Variants in TTC28 observed in about 807,000 individuals in gnomAD.
TTC28 encodes tetratricopeptide repeat protein 28.
In TTC28, 61 loss-of-function variants were observed where a neutral mutation model predicts 198.0. That is an observed-to-expected ratio of 0.31 (90% CI 0.25 to 0.38). TTC28 has a LOEUF of 0.38. Ranked by LOEUF, TTC28 falls within the 10% of genes least tolerant of loss-of-function variation. The probability of loss-of-function intolerance (pLI) is 1.00; values close to 1 mark genes in which losing one functional copy is unlikely to be tolerated. For missense variants in TTC28, 2,678 were observed against 3,164.0 expected, an observed-to-expected ratio of 0.85 and a Z score of 3.69; for synonymous variants, 1,171 against 1,297.8, an observed-to-expected ratio of 0.90 and a Z score of 2.10.
intron 12 of TTC28, among the ~76,000 whole-genome samples, chr22:28,085,662 T>C: frequency 6.6e-6 from 1 of 152,000 alleles, no homozygotes; most frequent in East Asian, 1.9e-4. Context: ...CACATAACAA[T>C]ATTAACTTTA....
chr22:27,990,210 G>T, intron 20 of TTC28: 3 of 653,344 alleles, frequency 4.6e-6, no homozygotes, highest in Non-Finnish European at 7.0e-6. Flanking sequence ...GGGCATTGGG[G>T]CAAGAGGCTG....
chr22:28,454,897 C>T (rs2047835561), intron 2 of TTC28, among the ~76,000 whole-genome samples: 1 of 152,192 alleles, frequency 6.6e-6, no homozygotes, highest in Non-Finnish European at 1.5e-5. Flanking sequence ...TCAAAACATA[C>T]ATATGCTAAT....
intron 12 of TTC28, among the ~76,000 whole-genome samples, chr22:28,077,510 T>C (rs1335409355): frequency 6.6e-6 from 1 of 152,190 alleles, no homozygotes; most frequent in African/African-American, 2.4e-5. Flanking sequence ...TTATGCCAAT[T>C]TACTCTTCGA....
At position 28,384,877 on chromosome 22, in the gene TTC28, A is replaced by G. The variant is rs539348010; in HGVS notation, c.382-78234T>C. 1.1e-4 allele frequency among the ~76,000 whole-genome samples: 16 copies of G among 152,218 alleles called. No individual in the cohort carries two copies. In the East Asian group the frequency reaches 3.1e-3, roughly 30 times the overall value. On this transcript the variant is annotated intron_variant, in intron 2 of 22. Coordinates refer to ENST00000397906, the MANE Select transcript of TTC28 (RefSeq NM_001145418.2). ...GACAGGTGGCTGGGCGTGGTGGCTC[A>G]TGCCTGTAATCCCAGCACTTTGGGA...
At chr22:28,088,831 A>T (rs1350326499) in intron 12 of TTC28, among the ~76,000 whole-genome samples, 1 of 152,136 alleles carries the variant, frequency 6.6e-6, no homozygotes, top group Non-Finnish European at 1.5e-5. Context: ...AAAACAAACA[A>T]CCTCATCAAA....
At chr22:28,224,734 C>A (rs534449763) in intron 5 of TTC28, among the ~76,000 whole-genome samples, 2 of 152,232 alleles carry the variant, frequency 1.3e-5, no homozygotes, top group Non-Finnish European at 2.9e-5. Flanking sequence ...GTGATCTCCC[C>A]TTCATTCTAC....
intron 5 of TTC28, among the ~76,000 whole-genome samples, chr22:28,249,336 A>C (rs1043774184): frequency 6.6e-6 from 1 of 152,316 alleles, no homozygotes; most frequent in Admixed American, 6.5e-5. Flanking sequence ...CAGGAAAAAA[A>C]ATGCTCAATA....
At chr22:28,143,801 C>T (rs1256252630) in intron 6 of TTC28, among the ~76,000 whole-genome samples, 4 of 152,116 alleles carry the variant, frequency 2.6e-5, no homozygotes, top group Admixed American at 6.5e-5. Flanking sequence ...AAAGTTAAAA[C>T]CATATAAGGG....
At chr22:28,636,147 T>TTTC (rs1172471706) in intron 1 of TTC28, among the ~76,000 whole-genome samples, 3 of 136,018 alleles carry the variant, frequency 2.2e-5, no homozygotes, top group Non-Finnish European at 4.7e-5. Flanking sequence ...TTTTTTTTTT[T>TTTC]TTTTTTTGAG....
intron 1 of TTC28, among the ~76,000 whole-genome samples, chr22:28,634,480 C>G (rs2051232082): frequency 6.9e-6 from 1 of 144,038 alleles, no homozygotes; most frequent in Non-Finnish European, 1.5e-5. Context: ...GCACTCCAGC[C>G]TGGCGACTAA....
chr22:28,608,485 C>A (rs1431009163), intron 2 of TTC28, among the ~76,000 whole-genome samples: 1 of 152,172 alleles, frequency 6.6e-6, no homozygotes, highest in Non-Finnish European at 1.5e-5. Flanking sequence ...TGCAGCAATA[C>A]ATATCAGGTA....
chr22:28,081,177 A>G (rs975510710), intron 12 of TTC28, among the ~76,000 whole-genome samples: 10 of 150,486 alleles, frequency 6.6e-5, no homozygotes, highest in African/African-American at 1.5e-4. Context: ...ACACACACAC[A>G]TATTTATGTA....
At chr22:28,380,450 C>A (rs1006969954) in intron 2 of TTC28, among the ~76,000 whole-genome samples, 2 of 152,052 alleles carry the variant, frequency 1.3e-5, no homozygotes, top group African/African-American at 4.8e-5. Context: ...AATAATCCAA[C>A]AAATGTAGGA....
At chr22:28,225,411 G>T (rs1928253659) in intron 5 of TTC28, among the ~76,000 whole-genome samples, 1 of 150,168 alleles carries the variant, frequency 6.7e-6, no homozygotes, top group Admixed American at 6.7e-5. Context: ...GAAAGAAGAA[G>T]AAAAGAAAAA....
chr22:28,374,178 CT>C (rs1324399778), intron 2 of TTC28, among the ~76,000 whole-genome samples: 1 of 152,172 alleles, frequency 6.6e-6, no homozygotes. Context: ...AAGACATTTG[CT>C]TTCAAAATTA....
rs138520312 is a variant in TTC28 at position 28,174,802 on chromosome 22, A to G, written c.934-11203T>C. Among the ~76,000 whole-genome samples, 17 of 152,306 alleles carry G rather than the reference A, an allele frequency of 1.1e-4. No homozygotes were observed. In the East Asian group the frequency reaches 3.1e-3, roughly 28 times the overall value. Reference sequence around the variant, plus strand: ...ATCCAACATATAATTCAACACAGGTACAATTAGGTGTATATCCAACACATA... The same window carrying G: ...ATCCAACATATAATTCAACACAGGTGCAATTAGGTGTATATCCAACACATA... On this transcript the variant is annotated intron_variant, in intron 5 of 22. Transcript: ENST00000397906.
At chr22:28,176,917 C>T (rs1453593560) in intron 5 of TTC28, among the ~76,000 whole-genome samples, 2 of 152,016 alleles carry the variant, frequency 1.3e-5, no homozygotes, top group African/African-American at 2.4e-5. Context: ...TGGATCAGAC[C>T]TAAATGTAAA....
chr22:28,677,481 T>C (rs1211497309), intron 1 of TTC28, among the ~76,000 whole-genome samples: 1 of 151,836 alleles, frequency 6.6e-6, no homozygotes, highest in Non-Finnish European at 1.5e-5. Flanking sequence ...ACCCAGTCTC[T>C]ACTAAAATAA....
chr22:28,440,245 C>T (rs2047597417), intron 2 of TTC28, among the ~76,000 whole-genome samples: 1 of 151,882 alleles, frequency 6.6e-6, no homozygotes, highest in African/African-American at 2.4e-5. Context: ...AGACCTATTG[C>T]ACTCTAGAAG....
Sources: gnomAD v4.1 joint callset for allele counts (sites outside exome capture counted in the v4.1 genomes callset) on GRCh38, gnomAD v4.1.1 for gene constraint, MANE v1.5 for transcripts, NCBI Gene and HGNC (gene_info 2026-07-23, HGNC 2026-07-21) for gene names.